LCLAT1: variants seen among roughly 807,000 people sequenced by gnomAD.
LCLAT1 encodes 1-AGP acyltransferase 8.
LCLAT1 carries 11 observed loss-of-function variants against 30.7 expected under a neutral mutation model. The observed-to-expected ratio is 0.36, with a 90% confidence interval of 0.23 to 0.59. The LOEUF is 0.59. LCLAT1 is among the 20% of genes least tolerant of loss of function. LCLAT1 has a pLI of 0.77. For synonymous variants in LCLAT1, 155 were observed against 151.3 expected (o/e 1.02, Z -0.18); for missense variants, 402 against 458.6 (o/e 0.88, Z 1.13).
At chr2:30,490,293 C>A (rs1683778851) in intron 1 of LCLAT1, among the ~76,000 whole-genome samples, 1 of 151,308 alleles carries the variant, frequency 6.6e-6, no homozygotes, top group South Asian at 2.1e-4. Flanking sequence ...AGCTCCGCCT[C>A]CCAGGTTCAA....
intron 5 of LCLAT1, among the ~76,000 whole-genome samples, chr2:30,599,156 A>AT (rs1667065897): frequency 6.6e-6 from 1 of 151,798 alleles, no homozygotes; most frequent in African/African-American, 2.4e-5. Context: ...TAATTTTTGT[A>AT]TTTTTAGTAG....
At chr2:30,487,940 G>C (rs1262510724) in intron 1 of LCLAT1, among the ~76,000 whole-genome samples, 2 of 152,202 alleles carry the variant, frequency 1.3e-5, no homozygotes, top group East Asian at 3.8e-4. Flanking sequence ...ACCCAAGTGA[G>C]AGTGATGCAG....
intron 3 of LCLAT1, among the ~76,000 whole-genome samples, chr2:30,555,235 G>C (rs1018693608): frequency 6.6e-6 from 1 of 152,080 alleles, no homozygotes; most frequent in Non-Finnish European, 1.5e-5. Flanking sequence ...AGTGGAAAAT[G>C]ATTTGGAACC....
intron 1 of LCLAT1, among the ~76,000 whole-genome samples, chr2:30,449,594 G>T (rs377495106): frequency 6.6e-6 from 1 of 151,498 alleles, no homozygotes; most frequent in African/African-American, 2.4e-5. Context: ...TCTGCCTCCC[G>T]GGTTCAAGCG....
At chr2:30,563,443 A>G (rs1405350353) in intron 4 of LCLAT1, among the ~76,000 whole-genome samples, 1 of 152,192 alleles carries the variant, frequency 6.6e-6, no homozygotes, top group Non-Finnish European at 1.5e-5. Context: ...GACAGAAAGT[A>G]TTTCTGTAGA....
At chr2:30,512,036 G>C (rs1002716635) in intron 1 of LCLAT1, among the ~76,000 whole-genome samples, 44 of 152,102 alleles carry the variant, frequency 2.9e-4, no homozygotes, top group African/African-American at 1.0e-3. Flanking sequence ...GTCAACATTT[G>C]GCTTTCTGCT....
intron 5 of LCLAT1, among the ~76,000 whole-genome samples, chr2:30,629,441 T>C (rs1043537715): frequency 6.6e-6 from 1 of 152,078 alleles, no homozygotes; most frequent in African/African-American, 2.4e-5. Context: ...GCACCTGTAA[T>C]CCCAGCCACT....
chr2:30,449,903 A>G (rs1681464108), intron 1 of LCLAT1, among the ~76,000 whole-genome samples: 1 of 152,154 alleles, frequency 6.6e-6, no homozygotes, highest in South Asian at 2.1e-4. Context: ...TTAAAAGAAA[A>G]CTGATTTTAG....
At chr2:30,461,594 A>T (rs1682130940) in intron 1 of LCLAT1, among the ~76,000 whole-genome samples, 1 of 151,604 alleles carries the variant, frequency 6.6e-6, no homozygotes, top group South Asian at 2.1e-4. Flanking sequence ...TTTTACTGGT[A>T]AGGAAAGCCA....
intron 5 of LCLAT1, among the ~76,000 whole-genome samples, chr2:30,633,005 T>C (rs1186967852): frequency 6.6e-6 from 1 of 152,140 alleles, no homozygotes; most frequent in Non-Finnish European, 1.5e-5. Flanking sequence ...CTGAAAGGTA[T>C]ATTATTTATT....
intron 5 of LCLAT1, among the ~76,000 whole-genome samples, chr2:30,626,083 T>C (rs10207451): frequency 0.24 from 36,629 of 152,110 alleles, 4,944 homozygotes; most frequent in Non-Finnish European, 0.31. Flanking sequence ...TCAGAGGCAC[T>C]CAATAAATAG....
chr2:30,592,757 T>C (rs1409061827), intron 5 of LCLAT1, among the ~76,000 whole-genome samples: 1 of 152,218 alleles, frequency 6.6e-6, no homozygotes, highest in Non-Finnish European at 1.5e-5. Flanking sequence ...GGACCTGTTA[T>C]TTACCAATCT....
chr2:30,549,665 A>G (rs556772639), intron 3 of LCLAT1, among the ~76,000 whole-genome samples: 2 of 152,332 alleles, frequency 1.3e-5, no homozygotes, highest in African/African-American at 4.8e-5. Context: ...ACTTTAATAG[A>G]TAATTTGACT....
intron 5 of LCLAT1, among the ~76,000 whole-genome samples, chr2:30,571,743 T>C (rs1665789486): frequency 6.6e-6 from 1 of 152,214 alleles, no homozygotes; most frequent in Non-Finnish European, 1.5e-5. Flanking sequence ...CATACAGCCT[T>C]TTATTGCTGG....
intron 2 of LCLAT1, among the ~76,000 whole-genome samples, chr2:30,531,748 A>G (rs1426064329): frequency 6.6e-5 from 10 of 152,164 alleles, no homozygotes; most frequent in African/African-American, 2.4e-4. Flanking sequence ...TCTTTAGCTA[A>G]TATTATTTTG....
chr2:30,509,350 A>G (rs2148355476), intron 1 of LCLAT1, among the ~76,000 whole-genome samples: 1 of 152,294 alleles, frequency 6.6e-6, no homozygotes, highest in African/African-American at 2.4e-5. Context: ...GCCAGTTATC[A>G]AGGGGAATGC....
chr2:30,584,548 C>T (rs1666344924), intron 5 of LCLAT1, among the ~76,000 whole-genome samples: 1 of 152,138 alleles, frequency 6.6e-6, no homozygotes, highest in South Asian at 2.1e-4. Context: ...TGGTGTATGG[C>T]CACACTCTGA....
At chr2:30,495,372 T>G (rs1295603000) in intron 1 of LCLAT1, among the ~76,000 whole-genome samples, 1 of 152,102 alleles carries the variant, frequency 6.6e-6, no homozygotes, top group Non-Finnish European at 1.5e-5. Flanking sequence ...AAGCCCCCCT[T>G]TCATAATAAA....
intron 3 of LCLAT1, among the ~76,000 whole-genome samples, chr2:30,557,643 G>C (rs566108204): frequency 1.3e-5 from 2 of 151,732 alleles, no homozygotes; most frequent in East Asian, 3.9e-4. Context: ...TCGAACTCCT[G>C]ACCTCAGGTG....
Sources: gnomAD v4.1 joint callset for allele counts (sites outside exome capture counted in the v4.1 genomes callset) on GRCh38, gnomAD v4.1.1 for gene constraint, MANE v1.5 for transcripts, NCBI Gene and HGNC (gene_info 2026-07-23, HGNC 2026-07-21) for gene names.